Variants in ATP11A observed in about 807,000 individuals in gnomAD.
ATP11A encodes the protein phospholipid-transporting ATPase IH.
In ATP11A, 81 loss-of-function variants were observed where a neutral mutation model predicts 154.4. The observed-to-expected ratio is 0.52, with a 90% CI of 0.44 to 0.63. The LOEUF (loss-of-function observed/expected upper bound fraction) is 0.63, where lower values mean the gene tolerates loss of function less well. Among genes scored for constraint, ATP11A ranks in the 30% least tolerant of loss-of-function variants. The pLI is 0.00. For missense variants in ATP11A, 1,316 were observed against 1,474.3 expected, an observed-to-expected ratio of 0.89 and a Z score of 1.76; for synonymous variants, 623 against 585.9, an observed-to-expected ratio of 1.06 and a Z score of -0.91.
intron 1 of ATP11A, among the ~76,000 whole-genome samples, chr13:112,763,323 C>T (rs1430412048): frequency 6.6e-6 from 1 of 152,110 alleles, no homozygotes; most frequent in Non-Finnish European, 1.5e-5. Flanking sequence ...AGGCCTCATC[C>T]CACCCTCCTC....
intron 19 of ATP11A, 69 bp downstream of exon 19, chr13:112,854,599 C>T: frequency 6.5e-7 from 1 of 1,528,154 alleles, no homozygotes; most frequent in Non-Finnish European, 8.8e-7. Context: ...GTGGCCTTCA[C>T]CTGCAAGTCG....
intron 1 of ATP11A, among the ~76,000 whole-genome samples, chr13:112,742,193 T>C (rs779837405): frequency 2.0e-5 from 3 of 152,184 alleles, no homozygotes; most frequent in Non-Finnish European, 4.4e-5. Flanking sequence ...AAAGGAGGTT[T>C]TTAAAATAAG....
chr13:112,875,326 G>A lies in ATP11A; in HGVS notation c.3162-450G>A, dbSNP rs1036973625. ...GTCACTGGTCCCTGCATCCTTGCCA[G>A]CCTCCCTCATGGAGGCTGACGCAGA... On this transcript the variant is annotated intron_variant, in intron 27 of 29. Transcript: ENST00000375645. This position sits in a 1 kb window ranked among gnomAD's most constrained non-coding sequence, Gnocchi z 4.1. Among the ~76,000 whole-genome samples, 2 of 152,208 alleles carry A rather than the reference G, an allele frequency of 1.3e-5. No individual in the cohort carries two copies. Among genetic ancestry groups the A allele is most frequent in the African/African-American group, 4.8e-5 (2 of 41,458 alleles).
intron 1 of ATP11A, among the ~76,000 whole-genome samples, chr13:112,705,181 A>G (rs1167456121): frequency 1.3e-5 from 2 of 152,218 alleles, no homozygotes; most frequent in Non-Finnish European, 2.9e-5. Flanking sequence ...AGCAACATGT[A>G]AAAAGAAAGC....
rs2080616514 is a variant in ATP11A at position 112,873,610 on chromosome 13, A to G, written c.3095A>G (p.His1032Arg). The G allele has an allele frequency of 1.2e-6, 2 of 1,611,302 alleles. No homozygotes were observed. The highest frequency in any genetic ancestry group is 1.7e-6 in the Non-Finnish European group (2 of 1,179,332). ...ACACACTACTGGACTTGGATCAACC[A>G]TTTTGTCATCTGGGGGTCGCTGCTG... ...LDTHYWTWIN[H>R]FVIWGSLLFY... is the part of the protein sequence containing the mutation. Residue 1032 changes from histidine (H) to arginine (R), a missense_variant, in exon 27 of 30, where the codon CAT becomes CGT. Coordinates refer to ENST00000375645, the MANE Select transcript of ATP11A (RefSeq NM_015205.3).
chr13:112,693,214 C>T (rs1885392725), intron 1 of ATP11A, among the ~76,000 whole-genome samples: 2 of 152,088 alleles, frequency 1.3e-5, no homozygotes, highest in Non-Finnish European at 2.9e-5. Flanking sequence ...TTGGATGGAC[C>T]GGAGCCATGC....
intron 1 of ATP11A, among the ~76,000 whole-genome samples, chr13:112,759,013 A>T (rs1213719477): frequency 6.6e-6 from 1 of 152,240 alleles, no homozygotes; most frequent in Non-Finnish European, 1.5e-5. Flanking sequence ...GTTGAGTAAC[A>T]TTTATATTTT....
At chr13:112,854,956 G>GT (rs1258397280) in intron 19 of ATP11A, among the ~76,000 whole-genome samples, 3 of 152,128 alleles carry the variant, frequency 2.0e-5, no homozygotes, top group African/African-American at 7.2e-5. Context: ...CCCAAGAGTT[G>GT]TTTTTTTCCC....
intron 1 of ATP11A, among the ~76,000 whole-genome samples, chr13:112,730,643 A>G (rs916427554): frequency 2.0e-5 from 3 of 152,206 alleles, no homozygotes; most frequent in African/African-American, 7.2e-5. Context: ...TCCTGGTGAA[A>G]TTGCGCCCTT....
chr13:112,787,635 A>G (rs368340505), intron 2 of ATP11A, among the ~76,000 whole-genome samples: 33 of 40,712 alleles, frequency 8.1e-4, no homozygotes, highest in African/African-American at 1.5e-3. Context: ...AATTCACACC[A>G]AGTGTCCTGA....
intron 2 of ATP11A, among the ~76,000 whole-genome samples, chr13:112,796,478 G>T (rs771496530): frequency 1.3e-5 from 2 of 152,234 alleles, no homozygotes; most frequent in South Asian, 4.1e-4. Flanking sequence ...ACTGGCTTCA[G>T]AGGTTGAAGG....
At chr13:112,880,785 A>T in intron 29 of ATP11A, 1 of 1,152,054 alleles carries the variant, frequency 8.7e-7, no homozygotes, top group Non-Finnish European at 1.1e-6. Context: ...TTACACACAC[A>T]TGCATTTGCT....
rs555443928 is a variant in ATP11A, at chr13:112,762,226, GGGTCCTGCTGGCCTCCTATCACAGCGA to G, written c.40-22905_40-22879del. 1.8e-4 allele frequency among the ~76,000 whole-genome samples: 27 copies of G among 152,260 alleles called. No individual in the cohort carries two copies. The East Asian group carries it at 4.6e-3, about 26-fold the overall frequency. Reference sequence around the variant, plus strand: ...CCAGCTCAGGGTGGGCTTCTGGGCCGGGTCCTGCTGGCCTCCTATCACAGCGAGGTTGGAATCTGTACTGTGGAGACT... The same window carrying G: ...CCAGCTCAGGGTGGGCTTCTGGGCCGGGTTGGAATCTGTACTGTGGAGACT... On this transcript the variant is annotated intron_variant, in intron 1 of 29. Coordinates refer to ENST00000375645, the MANE Select transcript of ATP11A (RefSeq NM_015205.3).
intron 2 of ATP11A, among the ~76,000 whole-genome samples, chr13:112,786,434 A>G (rs796173146): frequency 6.1e-5 from 3 of 49,324 alleles, no homozygotes; most frequent in South Asian, 1.9e-3. Context: ...GCCTGCGTTC[A>G]GACTCCGTTT....
At chr13:112,747,292 T>C (rs1272365826) in intron 1 of ATP11A, 1 of 151,916 alleles carries the variant, frequency 6.6e-6, no homozygotes, top group Non-Finnish European at 1.5e-5. Flanking sequence ...GAAAAGTAGG[T>C]ATTGAAGGAG....
chr13:112,691,483 G>GGTGTGTGTGT lies in ATP11A; in HGVS notation c.39+1043_39+1052dup, dbSNP rs58956060. ...TGTATCAAAAAAAAAAAAAAAAAAG[G>GGTGTGTGTGT]GTGTGTGTGTGTGTGTGTGTGTGTA... On this transcript the variant is annotated intron_variant, in intron 1 of 29. Transcript: ENST00000375645. 2.0e-3 allele frequency among the ~76,000 whole-genome samples: 246 copies of GGTGTGTGTGT among 125,140 alleles called. 1 individual carries two copies. The highest frequency in any genetic ancestry group is 5.3e-3 in the African/African-American group (178 of 33,350). The allele number at this position is 125,140 out of a possible 152,430, so 82.1% of individuals were successfully genotyped here.
chr13:112,862,762 C>T (rs1488077631), intron 25 of ATP11A, among the ~76,000 whole-genome samples, 187 bp downstream of exon 25: 1 of 147,262 alleles, frequency 6.8e-6, no homozygotes, highest in Non-Finnish European at 1.5e-5. Flanking sequence ...ACCACATGTG[C>T]CGTAATTCAG....
At chr13:112,756,821 T>A (rs1184549346) in intron 1 of ATP11A, among the ~76,000 whole-genome samples, 1 of 151,964 alleles carries the variant, frequency 6.6e-6, no homozygotes, top group African/African-American at 2.4e-5. Flanking sequence ...GCGAGGGGTC[T>A]GCTCCCAGCA....
intron 16 of ATP11A, among the ~76,000 whole-genome samples, chr13:112,837,047 G>A (rs1383290518): frequency 1.3e-5 from 2 of 152,232 alleles, no homozygotes; most frequent in African/African-American, 4.8e-5. Flanking sequence ...CAACACCGCA[G>A]CCCCTCAGGC....
Sources: allele counts gnomAD v4.1 joint callset (sites outside exome capture counted in the v4.1 genomes callset), GRCh38; gene constraint gnomAD v4.1.1; non-coding constraint Gnocchi (gnomAD v3.1); transcripts MANE v1.5; gene names NCBI Gene and HGNC (gene_info 2026-07-23, HGNC 2026-07-21).